Variants in C4orf17 observed in about 807,000 individuals in gnomAD.
C4orf17 encodes uncharacterized protein C4orf17.
A neutral mutation model predicts 32.0 loss-of-function variants in C4orf17; 25 were observed. The observed-to-expected ratio is 0.78, with a 90% CI of 0.57 to 1.09. The LOEUF (loss-of-function observed/expected upper bound fraction) is 1.09, where lower values mean the gene tolerates loss of function less well. Ranked by LOEUF, C4orf17 falls within the 50% of genes least tolerant of loss-of-function variation. The pLI is 0.00. For synonymous variants in C4orf17, 149 were observed against 145.8 expected (o/e 1.02, Z -0.16); for missense variants, 420 against 420.0 (o/e 1.00, Z 0.00).
chr4:99,524,622 G>C, intron 4 of C4orf17, 37 bp downstream of exon 4: 2 of 1,290,838 alleles, frequency 1.5e-6, no homozygotes, highest in Non-Finnish European at 2.2e-6. Context: ...TATTTAGTTT[G>C]ACTTCTATAA....
At chr4:99,535,180 G>A (rs80354280) in intron 5 of C4orf17, among the ~76,000 whole-genome samples, 14 of 151,830 alleles carry the variant, frequency 9.2e-5, no homozygotes, top group Non-Finnish European at 1.5e-4. Flanking sequence ...TTTTTCTTCC[G>A]TTTTGGCCTT....
Position 99,538,516 on chromosome 4 carries a change from T to G in C4orf17, c.629-647T>G, listed in dbSNP as rs115144317. On this transcript the variant is annotated intron_variant, in intron 6 of 8. Transcript: ENST00000326581. ...TAAAGTAGGAAGCATTCTGGAAATA[T>G]TACCTTTCCCCAGGAATTCAACACT... Among the ~76,000 whole-genome samples the G allele has an allele frequency of 2.6e-3, 393 of 152,328 alleles. 3 individuals carry two copies. The highest frequency in any genetic ancestry group is 9.2e-3 in the African/African-American group (382 of 41,580).
rs1022839071 is a variant in C4orf17, at chr4:99,539,737, C to G, written c.836+367C>G. Among the ~76,000 whole-genome samples the G allele has an allele frequency of 3.3e-5, 5 of 152,092 alleles. 1 individual carries two copies. The highest frequency in any genetic ancestry group is 3.3e-4 in the Admixed American group (5 of 15,268). On this transcript the variant is annotated intron_variant, in intron 7 of 8. Transcript: ENST00000326581. ...TAAGGAAAACAAAATTGTATTGTTA[C>G]AGTTATTGTATATTTTGTTAAATGT...
intron 4 of C4orf17, among the ~76,000 whole-genome samples, chr4:99,527,691 C>T (rs1177765472): frequency 2.0e-5 from 3 of 152,358 alleles, no homozygotes; most frequent in African/African-American, 7.2e-5. Flanking sequence ...TGCCCTCCCA[C>T]TGCTCACATT....
intron 6 of C4orf17, among the ~76,000 whole-genome samples, chr4:99,538,800 A>G (rs565659534): frequency 1.3e-5 from 2 of 151,804 alleles, no homozygotes; most frequent in Non-Finnish European, 2.9e-5. Flanking sequence ...TTTATTACCT[A>G]TTAGTCTGTA....
chr4:99,529,960 T>A lies in C4orf17; in HGVS notation c.546+2T>A, dbSNP rs780196382. The A allele has an allele frequency of 6.2e-7, 1 of 1,606,482 alleles. No individual in the cohort carries two copies. Among genetic ancestry groups the A allele is most frequent in the South Asian group, 1.1e-5 (1 of 89,454 alleles). On this transcript the variant is annotated splice_donor_variant, in intron 5 of 8. Transcript: ENST00000326581. LOFTEE classifies it high-confidence loss of function. ...AACTATCTGGATCAGGAAATAAAAG[T>A]AAGTATCAGGTTTATCAAATCCATA... is the stretch of plus-strand genomic sequence containing the variant.
chr4:99,531,667 C>T (rs1723478623), intron 5 of C4orf17, among the ~76,000 whole-genome samples: 1 of 152,142 alleles, frequency 6.6e-6, no homozygotes, highest in Admixed American at 6.5e-5. Context: ...CACCACTTCG[C>T]TTGAAAAATA....
At chr4:99,520,010 A>C (rs778112178) in intron 2 of C4orf17, among the ~76,000 whole-genome samples, 4 of 152,136 alleles carry the variant, frequency 2.6e-5, no homozygotes, top group Non-Finnish European at 5.9e-5. Context: ...ATGGCCTTGG[A>C]TTACATTGTC....
At chr4:99,534,992 T>C (rs1723538131) in intron 5 of C4orf17, among the ~76,000 whole-genome samples, 1 of 152,202 alleles carries the variant, frequency 6.6e-6, no homozygotes. Context: ...CCTTCGCTTA[T>C]GAAACTCAGT....
At chr4:99,511,649 G>T (rs1008132237) in intron 1 of C4orf17, among the ~76,000 whole-genome samples, 6 of 152,030 alleles carry the variant, frequency 3.9e-5, no homozygotes, top group Admixed American at 1.3e-4. Context: ...TAAATTTCTG[G>T]TTTAATGTCT....
At chr4:99,518,137 T>C (rs1723217737) in intron 2 of C4orf17, among the ~76,000 whole-genome samples, 1 of 152,112 alleles carries the variant, frequency 6.6e-6, no homozygotes, top group Admixed American at 6.6e-5. Flanking sequence ...TAGGCCACTG[T>C]TATCTCCTCC....
At chr4:99,512,708 C>T (rs1001771585) in intron 1 of C4orf17, among the ~76,000 whole-genome samples, 2 of 151,900 alleles carry the variant, frequency 1.3e-5, no homozygotes, top group Non-Finnish European at 2.9e-5. Flanking sequence ...ACAAAGTGAG[C>T]TCAAATGAAA....
At chr4:99,519,529 C>A (rs761589453) in intron 2 of C4orf17, among the ~76,000 whole-genome samples, 1 of 152,174 alleles carries the variant, frequency 6.6e-6, no homozygotes, top group African/African-American at 2.4e-5. Flanking sequence ...GGAGTAGTTG[C>A]CACAAGTGAG....
chr4:99,522,324 A>G (rs1723300007), intron 2 of C4orf17, among the ~76,000 whole-genome samples, 176 bp from the exon 3 acceptor site: 1 of 149,792 alleles, frequency 6.7e-6, no homozygotes, highest in Non-Finnish European at 1.5e-5. Context: ...AAGAATGTCT[A>G]CCTTGCACTG....
intron 1 of C4orf17, among the ~76,000 whole-genome samples, chr4:99,511,735 T>C (rs950975860): frequency 1.3e-5 from 2 of 152,130 alleles, no homozygotes; most frequent in African/African-American, 4.8e-5. Context: ...GGCTTAATTG[T>C]ACAAAAGGTC....
At chr4:99,541,016 C>G (rs1368066418) in intron 8 of C4orf17, 1 of 152,340 alleles carries the variant, frequency 6.6e-6, no homozygotes, top group African/African-American at 2.4e-5. Context: ...CCAAAGTATC[C>G]TTATAGGTTT....
At chr4:99,531,116 C>T (rs1374817990) in intron 5 of C4orf17, among the ~76,000 whole-genome samples, 2 of 94,294 alleles carry the variant, frequency 2.1e-5, no homozygotes, top group Non-Finnish European at 4.4e-5. Context: ...TATCCCATTA[C>T]CCTTTGTTTT....
At position 99,511,179 on chromosome 4, in the gene C4orf17, A is replaced by G. The variant is rs1723087610; in HGVS notation, c.-187A>G. On this transcript the variant is annotated 5_prime_UTR_variant, in exon 1 of 9. Transcript: ENST00000326581. ...AGTGCAGAGATTTAAGGAGATCAAC[A>G]AAAACTCAGTCTAGACATATTATGA... 6.6e-6 allele frequency: 1 copy of G among 152,204 alleles called. No individual in the cohort carries two copies. The highest frequency in any genetic ancestry group is 2.1e-4 in the South Asian group (1 of 4,824). The allele number at this position is 152,204 out of a possible 1,614,324, so 9.4% of individuals were successfully genotyped here.
chr4:99,536,119 G>T (rs190267737), intron 5 of C4orf17: 2 of 341,590 alleles, frequency 5.9e-6, no homozygotes, highest in Non-Finnish European at 1.1e-5. Context: ...TCCTAGGGGG[G>T]TACTGAGCTG....
Sources: gnomAD v4.1 joint callset for allele counts (sites outside exome capture counted in the v4.1 genomes callset) on GRCh38, gnomAD v4.1.1 for gene constraint, MANE v1.5 for transcripts, NCBI Gene and HGNC (gene_info 2026-07-23, HGNC 2026-07-21) for gene names.